The following OCA2 variants were observed in gnomAD, a reference collection of about 807,000 sequenced individuals.
OCA2 encodes P protein.
In OCA2, 77 loss-of-function variants were observed where a neutral mutation model predicts 100.2. The ratio of observed to expected loss-of-function variants is 0.77; its 90% CI spans 0.64 to 0.93. The LOEUF (loss-of-function observed/expected upper bound fraction) is 0.93. OCA2 is among the 40% of genes least tolerant of loss of function. OCA2 has a pLI of 0.00. For missense variants in OCA2, 1,062 were observed against 1,089.1 expected, an observed-to-expected ratio of 0.98 and a Z score of 0.35; for synonymous variants, 432 against 439.2, an observed-to-expected ratio of 0.98 and a Z score of 0.21.
intron 21 of OCA2, among the ~76,000 whole-genome samples, chr15:27,870,742 AG>A (rs2036522569): frequency 1.5e-5 from 1 of 64,520 alleles, no homozygotes; most frequent in Admixed American, 2.7e-4. Context: ...GAAGGGAGGG[AG>A]GGAGGGAGGG....
At chr15:28,046,378 G>A (rs879623939) in intron 2 of OCA2, among the ~76,000 whole-genome samples, 3 of 152,184 alleles carry the variant, frequency 2.0e-5, no homozygotes, top group Non-Finnish European at 4.4e-5. Context: ...GGGATAAAGG[G>A]AGGAGGCAGT....
At chr15:28,090,680 C>T (rs1411343850) in intron 1 of OCA2, among the ~76,000 whole-genome samples, 1 of 152,032 alleles carries the variant, frequency 6.6e-6, no homozygotes, top group Non-Finnish European at 1.5e-5. Flanking sequence ...ATTGACAGAA[C>T]ACAGCTAAAT....
chr15:27,983,336 G>C lies in OCA2; in HGVS notation c.1503+9C>G. On this transcript the variant is annotated intron_variant, in intron 14 of 23. Coordinates refer to ENST00000354638, the MANE Select transcript of OCA2 (RefSeq NM_000275.3). ...TTACTGGAAGCAACCCTAGCATGCT[G>C]GTACGTACCATCTTCCTCAGCTCTT... 6.2e-7 allele frequency: 1 copy of C among 1,614,102 alleles called. No homozygotes were observed. Among genetic ancestry groups the C allele is most frequent in the Non-Finnish European group, 8.5e-7 (1 of 1,180,030 alleles).
chr15:28,067,330 T>A (rs551413565), intron 2 of OCA2, among the ~76,000 whole-genome samples: 4 of 152,150 alleles, frequency 2.6e-5, no homozygotes, highest in Non-Finnish European at 5.9e-5. Context: ...GTTTCATTGA[T>A]CTTTCGTATG....
At chr15:27,827,731 T>C (rs1203072417) in intron 23 of OCA2, among the ~76,000 whole-genome samples, 2 of 152,208 alleles carry the variant, frequency 1.3e-5, no homozygotes, top group South Asian at 2.1e-4. Flanking sequence ...TAAAAGATTG[T>C]GAGAGCTGAA....
At chr15:28,055,289 G>A (rs1003236972) in intron 2 of OCA2, among the ~76,000 whole-genome samples, 8 of 152,126 alleles carry the variant, frequency 5.3e-5, no homozygotes, top group Non-Finnish European at 7.3e-5. Context: ...CTCGTCTTTC[G>A]TGTTTCTCTT....
chr15:27,747,254 GT>G, the OCA2 span, among the ~76,000 whole-genome samples: 2 of 152,196 alleles, frequency 1.3e-5, no homozygotes, highest in East Asian at 3.9e-4. Context: ...CTGGGGCATG[GT>G]GACATGGGAA....
intron 22 of OCA2, among the ~76,000 whole-genome samples, chr15:27,850,899 C>A (rs551153849): frequency 4.8e-4 from 73 of 152,216 alleles, no homozygotes; most frequent in African/African-American, 1.6e-3. Flanking sequence ...TCAGTCTCTC[C>A]CAACACTCTC....
chr15:27,901,827 G>T (rs2037949275), intron 19 of OCA2, among the ~76,000 whole-genome samples: 1 of 152,196 alleles, frequency 6.6e-6, no homozygotes, highest in South Asian at 2.1e-4. Flanking sequence ...GGTCACAACT[G>T]TTCAACCCAA....
At chr15:27,904,746 A>G (rs2038103736) in intron 19 of OCA2, among the ~76,000 whole-genome samples, 1 of 152,142 alleles carries the variant, frequency 6.6e-6, no homozygotes, top group African/African-American at 2.4e-5. Context: ...ACAACTCCTC[A>G]TATTCCCAGC....
chr15:27,895,142 C>T (rs979091107), intron 19 of OCA2, among the ~76,000 whole-genome samples: 1 of 152,188 alleles, frequency 6.6e-6, no homozygotes, highest in African/African-American at 2.4e-5. Context: ...AAGGACCTGT[C>T]TGTGTATCCA....
At chr15:27,799,238 C>A (rs1405834146) in intron 23 of OCA2, among the ~76,000 whole-genome samples, 9 of 152,206 alleles carry the variant, frequency 5.9e-5, no homozygotes, top group Non-Finnish European at 1.2e-4. Context: ...ACACTAAACA[C>A]CTACTGCAGG....
chr15:28,079,321 G>A (rs186748722), intron 2 of OCA2, among the ~76,000 whole-genome samples: 11 of 144,896 alleles, frequency 7.6e-5, no homozygotes, highest in Admixed American at 6.2e-4. Context: ...TTCATTTTCT[G>A]CCTATTTTCA....
chr15:27,885,079 T>C (rs1379966084), intron 19 of OCA2, among the ~76,000 whole-genome samples: 1 of 152,218 alleles, frequency 6.6e-6, no homozygotes, highest in Non-Finnish European at 1.5e-5. Flanking sequence ...GTTAAGAATA[T>C]AAAAGCTACA....
intron 21 of OCA2, among the ~76,000 whole-genome samples, chr15:27,870,790 A>G (rs79087414): frequency 3.0e-5 from 1 of 32,794 alleles, no homozygotes; most frequent in South Asian, 1.7e-3. Flanking sequence ...AAGAAAGAAA[A>G]AGAAAGAAAG....
intron 18 of OCA2, among the ~76,000 whole-genome samples, chr15:27,949,532 G>A (rs957419514): frequency 6.6e-5 from 10 of 152,170 alleles, no homozygotes; most frequent in African/African-American, 2.4e-4. Flanking sequence ...GTGTGGTGGC[G>A]CATTCCTGTA....
At chr15:27,917,493 T>C (rs879648538) in intron 19 of OCA2, among the ~76,000 whole-genome samples, 1 of 152,194 alleles carries the variant, frequency 6.6e-6, no homozygotes, top group Admixed American at 6.5e-5. Context: ...GAGTCCTTCC[T>C]GGACTGGTGC....
chr15:27,971,120 C>T (rs1203264627), intron 14 of OCA2, among the ~76,000 whole-genome samples: 1 of 149,966 alleles, frequency 6.7e-6, no homozygotes, highest in African/African-American at 2.5e-5. Flanking sequence ...ACGGAAAGAA[C>T]CTCCCAGCAT....
chr15:27,746,864 G>GA, the OCA2 span, among the ~76,000 whole-genome samples: 1 of 152,204 alleles, frequency 6.6e-6, no homozygotes, highest in South Asian at 2.1e-4. Context: ...GTCCCTCTTT[G>GA]GCCTACAGTC....
Sources: gnomAD v4.1 joint callset for allele counts (sites outside exome capture counted in the v4.1 genomes callset) on GRCh38, gnomAD v4.1.1 for gene constraint, MANE v1.5 for transcripts, NCBI Gene and HGNC (gene_info 2026-07-23, HGNC 2026-07-21) for gene names.